The following LAMA3 variants were observed in gnomAD, a reference collection of about 807,000 sequenced individuals.
The protein encoded by LAMA3 is laminin subunit alpha-3.
A neutral mutation model predicts 402.0 loss-of-function variants in LAMA3; 281 were observed. The ratio of observed to expected loss-of-function variants is 0.70; its 90% confidence interval spans 0.63 to 0.77. The LOEUF is 0.77. LAMA3 is among the 30% of genes least tolerant of loss of function. LAMA3 has a pLI of 0.00. For synonymous variants in LAMA3, 1,431 were observed against 1,558.4 expected, an observed-to-expected ratio of 0.92 and a Z score of 1.93; for missense variants, 3,840 against 4,215.5, an observed-to-expected ratio of 0.91 and a Z score of 2.47.
At chr18:23,910,733 A>G (rs1012974094) in intron 55 of LAMA3, among the ~76,000 whole-genome samples, 1 of 152,242 alleles carries the variant, frequency 6.6e-6, no homozygotes, top group African/African-American at 2.4e-5. Flanking sequence ...CACATTTACA[A>G]TAGCAAACCT....
rs780166322 is a variant in LAMA3 at position 23,792,953 on chromosome 18, C to A, written c.1603+8796C>A. ...TTGGGGTTCAGTAAGGACAGCAGAC[C>A]GGGAGACAACTGCTATTGAGAAGAT... is the stretch of plus-strand genomic sequence containing the variant. On this transcript the variant is annotated intron_variant, in intron 12 of 74. Coordinates refer to ENST00000313654, the MANE Select transcript of LAMA3 (RefSeq NM_198129.4). Among the ~76,000 whole-genome samples, 5 of 152,080 alleles carry A rather than the reference C, an allele frequency of 3.3e-5. No homozygotes were observed. In the East Asian group the frequency reaches 9.7e-4, roughly 29 times the overall value.
intron 6 of LAMA3, among the ~76,000 whole-genome samples, chr18:23,755,988 A>G (rs1180708018): frequency 6.6e-6 from 1 of 152,184 alleles, no homozygotes; most frequent in Non-Finnish European, 1.5e-5. Context: ...GCTCAATTTT[A>G]ATCCCCCTAT....
chr18:23,774,874 A>G (rs1297393325), intron 9 of LAMA3, among the ~76,000 whole-genome samples: 4 of 152,156 alleles, frequency 2.6e-5, no homozygotes, highest in Non-Finnish European at 1.5e-5. Context: ...TATGTCTATC[A>G]CCTGTCTTGT....
chr18:23,836,397 G>C (rs995872790), intron 24 of LAMA3, among the ~76,000 whole-genome samples: 1 of 152,092 alleles, frequency 6.6e-6, no homozygotes, highest in African/African-American at 2.4e-5. Flanking sequence ...CTCCTCTAAG[G>C]GTTTTAACGT....
rs183975013 is a variant in LAMA3 at position 23,769,287 on chromosome 18, T to C, written c.1183-4210T>C. 2.0e-3 allele frequency among the ~76,000 whole-genome samples: 306 copies of C among 152,306 alleles called. 1 individual carries two copies. Among genetic ancestry groups the C allele is most frequent in the African/African-American group, 7.1e-3 (297 of 41,562 alleles). The stretch of plus-strand genomic sequence containing the variant: ...TACTCAATCCCATTTGTAAATGTTT[T>C]AGAGGAGAGAATAAATAATGGAAAA... On this transcript the variant is annotated intron_variant, in intron 8 of 74. Transcript: ENST00000313654.
intron 2 of LAMA3, among the ~76,000 whole-genome samples, chr18:23,745,177 G>GTC (rs1160809938): frequency 6.6e-6 from 1 of 150,786 alleles, no homozygotes; most frequent in Non-Finnish European, 1.5e-5. Context: ...TCAAAAATGT[G>GTC]TGTGTGTGTG....
chr18:23,916,035 AAG>A (rs1306957953), intron 59 of LAMA3, among the ~76,000 whole-genome samples: 4 of 138,310 alleles, frequency 2.9e-5, no homozygotes, highest in African/African-American at 5.5e-5. Context: ...AAAAAAAGAA[AAG>A]AAAAGAAAAA....
At chr18:23,796,516 A>G (rs1041742749) in intron 12 of LAMA3, among the ~76,000 whole-genome samples, 5 of 152,184 alleles carry the variant, frequency 3.3e-5, no homozygotes, top group African/African-American at 7.2e-5. Context: ...AAAGTGACCA[A>G]TCCTAAGAAA....
Position 23,824,481 on chromosome 18 carries a change from T to A in LAMA3, c.2487T>A (p.Thr829=). 1 of 1,614,172 alleles carries A rather than the reference T, an allele frequency of 6.2e-7. No homozygotes were observed. Among genetic ancestry groups the A allele is most frequent in the Non-Finnish European group, 8.5e-7 (1 of 1,179,992 alleles). ...FLPSKEPAFV[T]VPGNGFADPF... is the part of the protein sequence containing the mutation. ...CGAGTAAGGAGCCAGCCTTTGTCAC[T>A]GTCCCTGGAAATGGTTTTGCAGACC... The change falls in exon 21 of 75, where the codon ACT becomes ACA. Residue 829 remains threonine, a synonymous_variant. Transcript: ENST00000313654.
intron 54 of LAMA3, among the ~76,000 whole-genome samples, chr18:23,908,834 A>C (rs1236485533): frequency 2.6e-5 from 4 of 152,270 alleles, no homozygotes; most frequent in Non-Finnish European, 4.4e-5. Flanking sequence ...TGCTGGAAAA[A>C]AGGAAGATTC....
At chr18:23,903,834 G>A (rs1390879528) in intron 49 of LAMA3, 99 bp from the exon 50 acceptor site, 2 of 990,148 alleles carry the variant, frequency 2.0e-6, no homozygotes, top group African/African-American at 3.2e-5. Flanking sequence ...ACATCTCATT[G>A]TTGCCCCAGA....
At chr18:23,880,946 A>G (rs2064875690) in intron 39 of LAMA3, among the ~76,000 whole-genome samples, 1 of 152,176 alleles carries the variant, frequency 6.6e-6, no homozygotes, top group Non-Finnish European at 1.5e-5. Context: ...CTCAAGCAAC[A>G]CCTCTGCATA....
At chr18:23,943,547 A>G (rs1201541451) in intron 68 of LAMA3, among the ~76,000 whole-genome samples, 1 of 152,256 alleles carries the variant, frequency 6.6e-6, no homozygotes, top group African/African-American at 2.4e-5. Flanking sequence ...TAAGTTTGCC[A>G]CAAAAGTTCC....
At chr18:23,940,722 C>T (rs1450306338) in intron 68 of LAMA3, among the ~76,000 whole-genome samples, 1 of 152,132 alleles carries the variant, frequency 6.6e-6, no homozygotes, top group Non-Finnish European at 1.5e-5. Flanking sequence ...AAGGAGAAAG[C>T]CTGTGTGGAC....
At chr18:23,695,909 G>A (rs1388521558) in intron 1 of LAMA3, among the ~76,000 whole-genome samples, 1 of 149,310 alleles carries the variant, frequency 6.7e-6, no homozygotes, top group East Asian at 2.0e-4. Context: ...CTTAATGCAT[G>A]TGGGGTGGCC....
chr18:23,741,896 C>T (rs960371973), intron 2 of LAMA3, among the ~76,000 whole-genome samples: 1 of 151,938 alleles, frequency 6.6e-6, no homozygotes, highest in Admixed American at 6.6e-5. Context: ...CTGAGGCGGG[C>T]GGATCACTTG....
intron 18 of LAMA3, among the ~76,000 whole-genome samples, chr18:23,817,998 A>G (rs2063211151): frequency 6.6e-6 from 1 of 152,044 alleles, no homozygotes; most frequent in Admixed American, 6.5e-5. Context: ...TACTAAAAAT[A>G]CAAAAAATTA....
intron 12 of LAMA3, among the ~76,000 whole-genome samples, chr18:23,797,326 A>G (rs999504165): frequency 6.6e-6 from 1 of 152,180 alleles, no homozygotes; most frequent in South Asian, 2.1e-4. Flanking sequence ...GAAATTTACA[A>G]CCAATCACCA....
chr18:23,839,396 G>A lies in LAMA3; in HGVS notation c.3192-389G>A, dbSNP rs190208467. Among the ~76,000 whole-genome samples, 3 of 152,168 alleles carry A rather than the reference G, an allele frequency of 2.0e-5. No homozygotes were observed. The highest frequency in any genetic ancestry group is 4.1e-4 in the South Asian group (2 of 4,832). On this transcript the variant is annotated intron_variant, in intron 26 of 74. Coordinates refer to ENST00000313654, the MANE Select transcript of LAMA3 (RefSeq NM_198129.4). This position sits in a 1 kb window ranked among gnomAD's most constrained non-coding sequence, Gnocchi z 4.5. Reference sequence around the variant, plus strand: ...CAACACAATGTGATTCTGGTTGTGCGTAAAAGAGACGATGTATATTTTTTC... The same window carrying A: ...CAACACAATGTGATTCTGGTTGTGCATAAAAGAGACGATGTATATTTTTTC...
Sources: allele counts gnomAD v4.1 joint callset (sites outside exome capture counted in the v4.1 genomes callset), GRCh38; gene constraint gnomAD v4.1.1; non-coding constraint Gnocchi (gnomAD v3.1); transcripts MANE v1.5; gene names NCBI Gene and HGNC (gene_info 2026-07-23, HGNC 2026-07-21).